Variants in TMEM268 observed in about 807,000 individuals in gnomAD.
TMEM268 encodes transmembrane protein C9orf91.
TMEM268 carries 24 observed loss-of-function variants against 39.1 expected under a neutral mutation model. The observed-to-expected ratio is 0.61, with a 90% confidence interval of 0.44 to 0.86. The LOEUF is 0.86. Among genes scored for constraint, TMEM268 ranks in the 40% least tolerant of loss-of-function variants. The pLI is 0.00. For synonymous variants in TMEM268, 176 were observed against 173.5 expected, an observed-to-expected ratio of 1.01 and a Z score of -0.12; for missense variants, 409 against 428.6, an observed-to-expected ratio of 0.95 and a Z score of 0.40.
chr9:114,628,444 G>T (rs1366648372), intron 5 of TMEM268, among the ~76,000 whole-genome samples, 194 bp downstream of exon 5: 1 of 152,188 alleles, frequency 6.6e-6, no homozygotes, highest in East Asian at 1.9e-4. Context: ...TCTAATCCCT[G>T]TGGATTGTTT....
At chr9:114,604,440 C>T in the TMEM268 span, among the ~76,000 whole-genome samples, 1 of 151,820 alleles carries the variant, frequency 6.6e-6, no homozygotes, top group African/African-American at 2.4e-5. Flanking sequence ...TTTACTGGGG[C>T]GTGGTGGTGT....
chr9:114,644,725 T>C lies in TMEM268; in HGVS notation c.*1412T>C, dbSNP rs1827503420. 6.6e-6 allele frequency: 1 copy of C among 152,098 alleles called. No homozygotes were observed. The highest frequency in any genetic ancestry group is 2.4e-5 in the African/African-American group (1 of 41,426). The allele number at this position is 152,098 out of a possible 1,614,324, so 9.4% of individuals were successfully genotyped here. A position where few individuals can be genotyped will look rare whatever the true frequency, so the allele number is the denominator to read the frequency against. On this transcript the variant is annotated 3_prime_UTR_variant, in exon 9 of 9. Transcript: ENST00000288502. The stretch of plus-strand genomic sequence containing the variant: ...GGACCTGATCTGCCACTTCAAGCTG[T>C]GTAATTTTTGGCAAGTTGCTTTCTT...
chr9:114,605,230 G>A, the TMEM268 span, among the ~76,000 whole-genome samples: 1 of 152,148 alleles, frequency 6.6e-6, no homozygotes, highest in Non-Finnish European at 1.5e-5. Context: ...GGGTCATTCT[G>A]GCAGATCTCA....
At position 114,643,239 on chromosome 9, in the gene TMEM268, A is replaced by G. The variant is rs1163781737; in HGVS notation, c.955A>G (p.Arg319Gly). 1.2e-5 allele frequency: 19 copies of G among 1,614,168 alleles called. No homozygotes were observed. The highest frequency in any genetic ancestry group is 1.6e-5 in the Non-Finnish European group (19 of 1,180,022). Residue 319 changes from arginine to glycine, a missense_variant, in exon 9 of 9, where the codon AGA (arginine) becomes GGA (glycine). By Grantham distance (125) the Arg-to-Gly change is moderately radical. Transcript: ENST00000288502. ...AMGTRHTNSP[R>G]IPCPCQLIEA... ...GGGGACACGACACACGAACTCTCCG[A>G]GAATTCCATGCCCCTGCCAGCTCAT...
rs896689144 is a variant in TMEM268 at position 114,620,845 on chromosome 9, C to T, written c.107-3505C>T. On this transcript the variant is annotated intron_variant, in intron 2 of 8. Coordinates refer to ENST00000288502, the MANE Select transcript of TMEM268 (RefSeq NM_153045.4). ...CAACTTTACCATGTTAGTGAGAGGC[C>T]GAGCTCCAATTTGAACTCCAAAGCT... is the stretch of plus-strand genomic sequence containing the variant. Among the ~76,000 whole-genome samples, 5 of 151,878 alleles carry T rather than the reference C, an allele frequency of 3.3e-5. No individual in the cohort carries two copies. In the South Asian group the frequency reaches 1.0e-3, roughly 32 times the overall value.
At chr9:114,632,464 C>G (rs1209391833) in intron 5 of TMEM268, among the ~76,000 whole-genome samples, 6 of 152,116 alleles carry the variant, frequency 3.9e-5, no homozygotes, top group Admixed American at 2.6e-4. Context: ...TCTGAAAGTC[C>G]TCTTGTGCTT....
upstream of TMEM268, among the ~76,000 whole-genome samples, chr9:114,610,701 G>A (rs1027510718): frequency 1.3e-5 from 2 of 152,218 alleles, no homozygotes; most frequent in African/African-American, 2.4e-5. Context: ...ACACGAGTGA[G>A]TATGTGTCTG....
In TMEM268 at chr9:114,638,711, T is replaced by C; in HGVS notation, c.834T>C (p.Pro278=). 6.3e-7 allele frequency: 1 copy of C among 1,586,686 alleles called. No individual in the cohort carries two copies. Among genetic ancestry groups the C allele is most frequent in the Non-Finnish European group, 8.6e-7 (1 of 1,167,032 alleles). The change falls in exon 8 of 9, where the codon CCT becomes CCC. Residue 278 remains proline (P), a synonymous_variant. Coordinates refer to ENST00000288502, the MANE Select transcript of TMEM268 (RefSeq NM_153045.4). Reference sequence around the variant, plus strand: ...AGACTGAGCTTCATCAGCTTGTTCCTGAGGCTGAGCCGGAGGTAACAGGCA... The same window carrying C: ...AGACTGAGCTTCATCAGCTTGTTCCCGAGGCTGAGCCGGAGGTAACAGGCA... ...LMQTELHQLV[P]EAEPEEMARQ... is the part of the protein sequence containing the mutation.
rs375665301 is a variant in TMEM268 at position 114,633,846 on chromosome 9, G to A, written c.553G>A (p.Asp185Asn). 1.2e-6 allele frequency: 2 copies of A among 1,605,416 alleles called. No individual in the cohort carries two copies. Among genetic ancestry groups the A allele is most frequent in the Admixed American group, 1.7e-5 (1 of 58,484 alleles). Reference protein sequence around the residue: ...LRHRVLLGVTDTVEGCQSVIQ... With the variant: ...LRHRVLLGVTNTVEGCQSVIQ... ...ACACCGGGTGCTGCTGGGGGTGACA[G>A]ACACAGTGGAAGGATGCCAGAGTGT... Residue 185 changes from aspartate to asparagine, a missense_variant, in exon 6 of 9, where the codon GAC becomes AAC. Transcript: ENST00000288502.
At chr9:114,627,063 A>T in intron 4 of TMEM268, 57 bp downstream of exon 4, 1 of 1,263,536 alleles carries the variant, frequency 7.9e-7, no homozygotes, top group Non-Finnish European at 1.2e-6. Flanking sequence ...GGCACCACCA[A>T]ATTCAGCACC....
chr9:114,613,863 G>A (rs1845601776), intron 1 of TMEM268, among the ~76,000 whole-genome samples: 2 of 152,206 alleles, frequency 1.3e-5, no homozygotes, highest in African/African-American at 4.8e-5. Flanking sequence ...CCTGGAGCCA[G>A]ATGGCTTGGG....
chr9:114,614,465 G>T (rs562208631), intron 1 of TMEM268, among the ~76,000 whole-genome samples: 1 of 152,300 alleles, frequency 6.6e-6, no homozygotes, highest in Non-Finnish European at 1.5e-5. Context: ...TGTAGAAGAG[G>T]CCCCACATTT....
chr9:114,625,443 C>CT (rs34082825), intron 3 of TMEM268, among the ~76,000 whole-genome samples: 43 of 121,734 alleles, frequency 3.5e-4, no homozygotes, highest in East Asian at 1.2e-3. Flanking sequence ...ACTTCTTCTT[C>CT]TTTTTTTTTT....
At chr9:114,606,220 T>C (rs1845363128), upstream of TMEM268, among the ~76,000 whole-genome samples, 2 of 152,180 alleles carry the variant, frequency 1.3e-5, no homozygotes, top group African/African-American at 4.8e-5. Flanking sequence ...TTTCTGTTCA[T>C]AGTGTAGAAA....
chr9:114,643,596 C>A lies in TMEM268; in HGVS notation c.*283C>A. 1 of 321,980 alleles carries A rather than the reference C, an allele frequency of 3.1e-6. No individual in the cohort carries two copies. The highest frequency in any genetic ancestry group is 4.5e-5 in the Admixed American group (1 of 21,982). 19.9% of individuals were successfully genotyped at this position (321,980 alleles called of 1,614,324 possible). The stretch of plus-strand genomic sequence containing the variant: ...TCTCTGCTGCTTAGAACTGTGGACA[C>A]GTATGGAAAGACTGGACCCCCATTG... On this transcript the variant is annotated 3_prime_UTR_variant, in exon 9 of 9. Transcript: ENST00000288502.
In TMEM268 at chr9:114,646,412, T is replaced by TA. The variant is rs1424172524; in HGVS notation, c.*3100dup. 27 of 152,496 alleles carry TA rather than the reference T, an allele frequency of 1.8e-4. No individual in the cohort carries two copies. Among genetic ancestry groups the TA allele is most frequent in the Admixed American group, 1.4e-3 (22 of 15,300 alleles). 9.4% of individuals were successfully genotyped at this position (152,496 alleles called of 1,614,324 possible). On this transcript the variant is annotated 3_prime_UTR_variant, in exon 9 of 9. Coordinates refer to ENST00000288502, the MANE Select transcript of TMEM268 (RefSeq NM_153045.4). ...CTTGAGTGAAAGCTCAATAAATTGT[T>TA]ACTTAAAAAATTTTTTGTCTCGCAT...
chr9:114,619,391 C>T (rs780635330), intron 2 of TMEM268, among the ~76,000 whole-genome samples: 22 of 152,184 alleles, frequency 1.4e-4, no homozygotes, highest in Non-Finnish European at 2.6e-4. Flanking sequence ...AAGCGGAGGA[C>T]TTGCTGTTCT....
intron 4 of TMEM268, among the ~76,000 whole-genome samples, chr9:114,627,769 C>G (rs1051428246): frequency 6.6e-6 from 1 of 152,272 alleles, no homozygotes; most frequent in South Asian, 2.1e-4. Context: ...TATAAATTGT[C>G]CAAAGCCATA....
At chr9:114,628,634 C>T (rs537295918) in intron 5 of TMEM268, among the ~76,000 whole-genome samples, 6 of 152,262 alleles carry the variant, frequency 3.9e-5, no homozygotes, top group South Asian at 4.1e-4. Flanking sequence ...CTAAAGTTGA[C>T]GTCTGGGGAG....
Sources: allele counts gnomAD v4.1 joint callset (sites outside exome capture counted in the v4.1 genomes callset), GRCh38; gene constraint gnomAD v4.1.1; transcripts MANE v1.5; gene names NCBI Gene and HGNC (gene_info 2026-07-23, HGNC 2026-07-21).